CIB4: variants seen among roughly 807,000 people sequenced by gnomAD.
CIB4 encodes calcium and integrin binding family member 4, also known as calcium and integrin-binding family member 4.
CIB4 carries 25 observed loss-of-function variants against 25.8 expected under a neutral mutation model. The ratio of observed to expected loss-of-function variants is 0.97; its 90% confidence interval spans 0.71 to 1.35. The LOEUF (loss-of-function observed/expected upper bound fraction) is 1.35, where lower values mean the gene tolerates loss of function less well. Among genes scored for constraint, CIB4 ranks in the 40% most tolerant of loss-of-function variants. CIB4 has a pLI of 0.00. For synonymous variants in CIB4, 75 were observed against 81.4 expected, an observed-to-expected ratio of 0.92 and a Z score of 0.42; for missense variants, 235 against 228.2, an observed-to-expected ratio of 1.03 and a Z score of -0.19.
At chr2:26,639,061 G>A (rs1033734597) in intron 2 of CIB4, among the ~76,000 whole-genome samples, 1 of 152,110 alleles carries the variant, frequency 6.6e-6, no homozygotes, top group Non-Finnish European at 1.5e-5. Flanking sequence ...GCTTATGTAT[G>A]GAAAATTCTT....
At chr2:26,604,410 C>A (rs1668851392) in intron 3 of CIB4, among the ~76,000 whole-genome samples, 1 of 151,870 alleles carries the variant, frequency 6.6e-6, no homozygotes, top group African/African-American at 2.4e-5. Flanking sequence ...GAAGAAAAAT[C>A]TTTCTCCAGA....
chr2:26,598,757 G>A (rs1668729023), intron 3 of CIB4, among the ~76,000 whole-genome samples: 1 of 152,192 alleles, frequency 6.6e-6, no homozygotes, highest in African/African-American at 2.4e-5. Context: ...GGATAGTTCA[G>A]GTTATGAGCC....
At chr2:26,587,947 T>TC (rs1572538990) in intron 4 of CIB4, among the ~76,000 whole-genome samples, 2 of 152,230 alleles carry the variant, frequency 1.3e-5, no homozygotes, top group East Asian at 3.8e-4. Context: ...TTGTCTCTGT[T>TC]CCCCATGGCA....
At chr2:26,633,979 G>A (rs1274338576) in intron 2 of CIB4, among the ~76,000 whole-genome samples, 1 of 152,140 alleles carries the variant, frequency 6.6e-6, no homozygotes, top group African/African-American at 2.4e-5. Flanking sequence ...AGTCTTTCGT[G>A]CCTCTCTCTG....
intron 2 of CIB4, 62 bp from the exon 3 acceptor site, chr2:26,629,568 G>C (rs905765605): frequency 1.0e-5 from 12 of 1,152,948 alleles, no homozygotes; most frequent in Non-Finnish European, 1.3e-5. Context: ...GTGTGGCCGG[G>C]GAAAGGAGGC....
At chr2:26,610,725 G>A (rs1334909973) in intron 3 of CIB4, among the ~76,000 whole-genome samples, 1 of 152,212 alleles carries the variant, frequency 6.6e-6, no homozygotes, top group South Asian at 2.1e-4. Flanking sequence ...ATCAGGTGCT[G>A]TGTCAGCCAA....
chr2:26,594,346 A>G (rs1668640774), intron 4 of CIB4, among the ~76,000 whole-genome samples: 1 of 152,226 alleles, frequency 6.6e-6, no homozygotes, highest in African/African-American at 2.4e-5. Flanking sequence ...TACAGATGAA[A>G]AAACTGAGGC....
At chr2:26,630,615 T>A (rs933414309) in intron 2 of CIB4, among the ~76,000 whole-genome samples, 1 of 152,102 alleles carries the variant, frequency 6.6e-6, no homozygotes, top group East Asian at 1.9e-4. Context: ...GCCGGACAGA[T>A]CTACATTCAA....
At chr2:26,598,271 G>A (rs558557986) in intron 3 of CIB4, among the ~76,000 whole-genome samples, 150 of 151,542 alleles carry the variant, frequency 9.9e-4, no homozygotes, top group African/African-American at 3.6e-3. Context: ...GTGCACTCCA[G>A]CCTGGGTGAC....
intron 2 of CIB4, among the ~76,000 whole-genome samples, chr2:26,638,015 G>A (rs777756258): frequency 5.3e-5 from 8 of 152,104 alleles, no homozygotes; most frequent in African/African-American, 9.7e-5. Context: ...CACCCCCAGC[G>A]CTGACGCACG....
chr2:26,593,438 T>C (rs1484247727), intron 4 of CIB4, among the ~76,000 whole-genome samples: 19 of 151,552 alleles, frequency 1.3e-4, no homozygotes, highest in African/African-American at 4.4e-4. Context: ...ATACACACTA[T>C]ATATACCCAC....
chr2:26,607,671 G>C lies in CIB4; in HGVS notation c.187-12354C>G, dbSNP rs559567321. Among the ~76,000 whole-genome samples the C allele has an allele frequency of 5.9e-5, 9 of 152,254 alleles. No homozygotes were observed. The East Asian group carries it at 1.7e-3, about 29-fold the overall frequency. On this transcript the variant is annotated intron_variant, in intron 3 of 6. Coordinates refer to ENST00000288861, the MANE Select transcript of CIB4 (RefSeq NM_001029881.3). ...ACTGCCAGGACCCGGATAAACATTT[G>C]CTACCATGAATAACCCCCACCCCAC...
intron 2 of CIB4, 80 bp downstream of exon 2, chr2:26,640,453 G>T: frequency 1.4e-6 from 2 of 1,453,868 alleles, no homozygotes; most frequent in Non-Finnish European, 1.9e-6. Context: ...TCAGGGACCA[G>T]CGTGAGGCTG....
chr2:26,624,234 G>A (rs1021527349), intron 3 of CIB4, among the ~76,000 whole-genome samples: 2 of 152,182 alleles, frequency 1.3e-5, no homozygotes, highest in African/African-American at 4.8e-5. Context: ...GCTCCCTGGG[G>A]CCCAGTTCTC....
chr2:26,637,352 T>C (rs1386205504), intron 2 of CIB4, among the ~76,000 whole-genome samples: 1 of 152,102 alleles, frequency 6.6e-6, no homozygotes, highest in Non-Finnish European at 1.5e-5. Context: ...TCTATCTGCT[T>C]TGCACTTGTA....
intron 3 of CIB4, among the ~76,000 whole-genome samples, chr2:26,601,231 AATAT>A (rs1165155834): frequency 0.028 from 482 of 17,060 alleles, 13 homozygotes; most frequent in South Asian, 0.16. Context: ...AAAAAAAAAA[AATAT>A]ATATATATAT....
chr2:26,603,973 A>C (rs1668841489), intron 3 of CIB4, among the ~76,000 whole-genome samples: 1 of 151,512 alleles, frequency 6.6e-6, no homozygotes, highest in Non-Finnish European at 1.5e-5. Context: ...ACTGCACTCC[A>C]GCCTGGGCAA....
chr2:26,622,367 T>A (rs1259338376), intron 3 of CIB4, among the ~76,000 whole-genome samples: 1 of 151,596 alleles, frequency 6.6e-6, no homozygotes, highest in African/African-American at 2.4e-5. Flanking sequence ...TCTCAAAAAA[T>A]AATAATAATA....
At chr2:26,591,388 C>T (rs886414520) in intron 4 of CIB4, among the ~76,000 whole-genome samples, 1 of 152,176 alleles carries the variant, frequency 6.6e-6, no homozygotes, top group African/African-American at 2.4e-5. Flanking sequence ...AGAGGCATAG[C>T]AGATCTGCAG....
Sources: allele counts gnomAD v4.1 joint callset (sites outside exome capture counted in the v4.1 genomes callset), GRCh38; gene constraint gnomAD v4.1.1; transcripts MANE v1.5; gene names NCBI Gene and HGNC (gene_info 2026-07-23, HGNC 2026-07-21).